Variants in MCF2L observed in about 807,000 individuals in gnomAD.
MCF2L encodes MCF.2 cell line derived transforming sequence like, also known as guanine nucleotide exchange factor DBS.
A neutral mutation model predicts 153.4 loss-of-function variants in MCF2L; 97 were observed. That is an observed-to-expected ratio of 0.63 (90% CI 0.54 to 0.75). MCF2L has a LOEUF of 0.75. Among genes scored for constraint, MCF2L ranks in the 30% least tolerant of loss-of-function variants. The probability of loss-of-function intolerance (pLI) is 0.00; values close to 1 mark genes in which losing one functional copy is unlikely to be tolerated. For synonymous variants in MCF2L, 659 were observed against 632.2 expected (o/e 1.04, Z -0.64); for missense variants, 1,347 against 1,495.2 (o/e 0.90, Z 1.64).
Position 113,060,670 on chromosome 13 carries a change from C to G in MCF2L, c.447C>G (p.Ile149Met), listed in dbSNP as rs763471280. ...TGFFQRTLSD[I>M]AFKFNRDDFK... ...TTTTCCAAAGGACTCTCTCCGACAT[C>G]GCTTTCAAATTCAATAGAGATGACT... The change falls in exon 5 of 30, where the codon ATC becomes ATG. Residue 149 changes from isoleucine (I) to methionine (M), a missense_variant. Transcript: ENST00000535094. The G allele has an allele frequency of 6.2e-7, 1 of 1,613,694 alleles. No individual in the cohort carries two copies. Among genetic ancestry groups the G allele is most frequent in the Non-Finnish European group, 8.5e-7 (1 of 1,179,966 alleles).
Position 112,940,762 on chromosome 13 carries a change from C to T in MCF2L, c.169+38391C>T, listed in dbSNP as rs78720366. Among the ~76,000 whole-genome samples the T allele has an allele frequency of 4.4e-3, 677 of 152,238 alleles. 2 individuals are homozygous for T. The highest frequency in any genetic ancestry group is 0.016 in the African/African-American group (654 of 41,542). ...AAAATGGCATAATGTATTCACTGTG[C>T]ACATATTTGTATATGTATGCCAAAT... On this transcript the variant is annotated intron_variant, in intron 2 of 29. Coordinates refer to the MCF2L transcript ENST00000375608.
chr13:113,027,907 G>T lies in MCF2L; in HGVS notation c.278+3149G>T, dbSNP rs190676918. Among the ~76,000 whole-genome samples, 2 of 152,196 alleles carry T rather than the reference G, an allele frequency of 1.3e-5. No homozygotes were observed. The highest frequency in any genetic ancestry group is 2.9e-5 in the Non-Finnish European group (2 of 68,034). ...GCCAGAGGGGTGTCCTGGGGAGGGC[G>T]GTCATCTCCAAGCCTCCAGGCCTTT... On this transcript the variant is annotated intron_variant, in intron 3 of 29. Transcript: ENST00000535094. This position sits in a 1 kb window ranked among gnomAD's most constrained non-coding sequence, Gnocchi z 4.8.
intron 3 of MCF2L, chr13:113,044,305 C>A: frequency 3.1e-6 from 1 of 322,008 alleles, no homozygotes; most frequent in Non-Finnish European, 6.1e-6. Flanking sequence ...GGGTCACTGC[C>A]TCGTCTTCAT....
At chr13:113,093,126 G>A (rs1033197500) in intron 26 of MCF2L, among the ~76,000 whole-genome samples, 3 of 152,244 alleles carry the variant, frequency 2.0e-5, no homozygotes, top group Admixed American at 6.5e-5. Flanking sequence ...GGGAGGGCAC[G>A]CTGGCAGCCA....
intron 27 of MCF2L, 174 bp from the exon 28 acceptor site, chr13:113,096,197 T>G: frequency 1.6e-6 from 1 of 615,816 alleles, no homozygotes; most frequent in Non-Finnish European, 2.9e-6. Context: ...GCTGCGGTAG[T>G]CATGCCCTGC....
chr13:113,082,288 G>C (rs892485365), intron 16 of MCF2L, 139 bp from the exon 17 acceptor site: 153 of 625,842 alleles, frequency 2.4e-4, no homozygotes, highest in South Asian at 3.2e-4. Flanking sequence ...ATGGATGCCT[G>C]TCCCGGTAAC....
intron 1 of MCF2L, among the ~76,000 whole-genome samples, chr13:112,994,086 C>T (rs35477138): frequency 0.24 from 36,892 of 152,106 alleles, 5,623 homozygotes; most frequent in Non-Finnish European, 0.34. Context: ...ATGCGGGGTG[C>T]GGCGCTTGGG....
Position 113,044,823 on chromosome 13 carries a change from T to C in MCF2L, c.279-448T>C, listed in dbSNP as rs761265419. 3.1e-6 allele frequency: 5 copies of C among 1,612,914 alleles called. No homozygotes were observed. The Admixed American group carries it at 8.3e-5, about 27-fold the overall frequency. On this transcript the variant is annotated intron_variant, in intron 3 of 29. Transcript: ENST00000535094. ...GGATTTTCTCCCAGCACCGTAGCCA[T>C]GCCACCACGAGTGAATCCTTAACGT...
chr13:113,033,282 C>CCG (rs1566772909), intron 3 of MCF2L, among the ~76,000 whole-genome samples: 3 of 134,694 alleles, frequency 2.2e-5, no homozygotes, highest in South Asian at 2.4e-4. Context: ...TGAGTGGCCC[C>CCG]TGTGACATTA....
At chr13:112,917,237 C>T (rs1000272066) in intron 2 of MCF2L, 27 of 466,404 alleles carry the variant, frequency 5.8e-5, no homozygotes, top group Admixed American at 1.9e-4. Context: ...AGCCTCCACC[C>T]GCATCCTACA....
chr13:113,094,701 G>A, intron 27 of MCF2L, 66 bp downstream of exon 27: 2 of 1,550,748 alleles, frequency 1.3e-6, no homozygotes, highest in Non-Finnish European at 1.7e-6. Flanking sequence ...GGGTGCTTCT[G>A]GCAGGTCCAC....
chr13:113,096,270 CCGGGG>C (rs2035644705), intron 27 of MCF2L, 96 bp from the exon 28 acceptor site: 1 of 915,642 alleles, frequency 1.1e-6, no homozygotes, highest in Admixed American at 2.3e-5. Flanking sequence ...GGAGCTCCCA[CCGGGG>C]CAGGGCGCTA....
In MCF2L at chr13:113,075,143, G is replaced by C. The variant is rs773598641; in HGVS notation, c.1262G>C (p.Arg421Thr). 2 of 1,612,328 alleles carry C rather than the reference G, an allele frequency of 1.2e-6. No individual in the cohort carries two copies. Among genetic ancestry groups the C allele is most frequent in the South Asian group, 2.2e-5 (2 of 91,078 alleles). Reference sequence around the variant, plus strand: ...TTCTCTGCGGAGATCGCAAGGAGGAGGGGGCTGCTCAGCAAGTCCCTGGAG... The same window carrying C: ...TTCTCTGCGGAGATCGCAAGGAGGACGGGGCTGCTCAGCAAGTCCCTGGAG... ...DQFSAEIARRRGLLSKSLELH... is the reference protein window; with the variant it reads ...DQFSAEIARRTGLLSKSLELH... The change falls in exon 11 of 30, where the codon AGG becomes ACG. Residue 421 changes from arginine (R) to threonine (T), a missense_variant. This residue lies in a region of MCF2L where 820 missense variants were observed against 921.2 expected (regional missense o/e 0.89). Transcript: ENST00000535094.
chr13:112,982,366 G>A (rs765332031), intron 1 of MCF2L, among the ~76,000 whole-genome samples: 1 of 152,212 alleles, frequency 6.6e-6, no homozygotes, highest in Admixed American at 6.5e-5. Flanking sequence ...AAGGGTGGCC[G>A]CATCCATGGG....
intron 11 of MCF2L, 76 bp from the exon 12 acceptor site, chr13:113,075,890 G>A: frequency 8.2e-7 from 1 of 1,212,302 alleles, no homozygotes; most frequent in Non-Finnish European, 1.1e-6. Context: ...GGACACCCCG[G>A]CAGTGTGTGC....
chr13:113,027,120 T>C lies in MCF2L; in HGVS notation c.278+2362T>C, dbSNP rs2085361274. ...ATAAGGTGGCAAAACACAGAGGAGA[T>C]GTTTAACCATCAGCGTGAAAGTGCA... is the stretch of plus-strand genomic sequence containing the variant. On this transcript the variant is annotated intron_variant, in intron 3 of 29. Transcript: ENST00000535094. This position sits in a 1 kb window ranked among gnomAD's most constrained non-coding sequence, Gnocchi z 4.8. 1 of 715,326 alleles carries C rather than the reference T, an allele frequency of 1.4e-6. No individual in the cohort carries two copies. Among genetic ancestry groups the C allele is most frequent in the Non-Finnish European group, 2.6e-6 (1 of 391,950 alleles). The allele number at this position is 715,326 out of a possible 1,614,324, so 44.3% of individuals were successfully genotyped here.
At chr13:113,022,030 C>G (rs1277668572) in intron 2 of MCF2L, among the ~76,000 whole-genome samples, 1 of 152,196 alleles carries the variant, frequency 6.6e-6, no homozygotes. Flanking sequence ...TCCAGGCCTT[C>G]CTGTGGCTAG....
At chr13:112,933,717 C>A (rs1472390103) in intron 2 of MCF2L, among the ~76,000 whole-genome samples, 1 of 152,246 alleles carries the variant, frequency 6.6e-6, no homozygotes, top group Non-Finnish European at 1.5e-5. Flanking sequence ...GTCTTATTAA[C>A]CCATTTCATA....
At chr13:113,066,638 C>T (rs891770410) in intron 8 of MCF2L, among the ~76,000 whole-genome samples, 9 of 152,286 alleles carry the variant, frequency 5.9e-5, no homozygotes, top group Non-Finnish European at 1.3e-4. Context: ...CAGGGTAGGG[C>T]ACTCGTGTGG....
Sources: gnomAD v4.1 joint callset for allele counts (sites outside exome capture counted in the v4.1 genomes callset) on GRCh38, gnomAD v4.1.1 for gene constraint, gnomAD v4.1.1 regional missense constraint, Gnocchi (gnomAD v3.1) non-coding constraint, MANE v1.5 for transcripts, NCBI Gene and HGNC (gene_info 2026-07-23, HGNC 2026-07-21) for gene names.